HDAC8: variants seen among roughly 807,000 people sequenced by gnomAD.
HDAC8 encodes the protein histone deacetylase 8, also known as histone deacetylase-like 1.
In HDAC8, 1 loss-of-function variant was observed where a neutral mutation model predicts 32.2. The ratio of observed to expected loss-of-function variants is 0.03; its 90% CI spans 0.01 to 0.15. The LOEUF (loss-of-function observed/expected upper bound fraction) is 0.15, where lower values mean the gene tolerates loss of function less well. Ranked by LOEUF, HDAC8 falls within the 10% of genes least tolerant of loss-of-function variation. The probability of loss-of-function intolerance (pLI) is 1.00; values close to 1 mark genes in which losing one functional copy is unlikely to be tolerated. For missense variants in HDAC8, 117 were observed against 300.0 expected (o/e 0.39, Z 4.51); for synonymous variants, 108 against 113.9 (o/e 0.95, Z 0.33).
In HDAC8 at chrX:72,441,781, C is replaced by G. The variant is rs782084553; in HGVS notation, c.1005+20223G>C. Among the ~76,000 whole-genome samples, 3 of 111,521 alleles carry G rather than the reference C, an allele frequency of 2.7e-5. No homozygotes were observed. The Admixed American group carries it at 2.9e-4, about 11-fold the overall frequency. On this transcript the variant is annotated intron_variant, in intron 9 of 10. Transcript: ENST00000373573. ...AAACCAAAGGCAAAGAAGTTAAAAA[C>G]TTTGAAAAAAATTTAGACGAATGTA...
intron 10 of HDAC8, among the ~76,000 whole-genome samples, chrX:72,338,227 A>C (rs2043770327): frequency 8.9e-6 from 1 of 111,769 alleles, no homozygotes; most frequent in Admixed American, 9.6e-5. Flanking sequence ...CTCTACTGTT[A>C]GCACCCTCAG....
At chrX:72,549,279 C>T (rs781986987) in intron 4 of HDAC8, among the ~76,000 whole-genome samples, 1 of 109,726 alleles carries the variant, frequency 9.1e-6, no homozygotes, top group African/African-American at 3.3e-5. Flanking sequence ...CACTGGAGTC[C>T]CATAAGTCTC....
chrX:72,555,295 T>A (rs1216778593), intron 4 of HDAC8, among the ~76,000 whole-genome samples: 2 of 111,582 alleles, frequency 1.8e-5, no homozygotes, highest in African/African-American at 3.3e-5. Context: ...TCTACCCAAA[T>A]GAGAAGGAAC....
At chrX:72,552,629 A>T (rs1325407558) in intron 4 of HDAC8, among the ~76,000 whole-genome samples, 6 of 108,389 alleles carry the variant, frequency 5.5e-5, no homozygotes, top group Non-Finnish European at 1.1e-4. Flanking sequence ...AAAAAAAAAA[A>T]TTTAGCTAGG....
At chrX:72,523,429 C>G (rs2050040223) in intron 4 of HDAC8, among the ~76,000 whole-genome samples, 1 of 111,651 alleles carries the variant, frequency 9.0e-6, no homozygotes, top group Non-Finnish European at 1.9e-5. Flanking sequence ...GCCCATTTTT[C>G]TAGTGTAGAA....
intron 10 of HDAC8, among the ~76,000 whole-genome samples, chrX:72,340,053 G>A (rs1555944467): frequency 8.9e-6 from 1 of 112,279 alleles, no homozygotes; most frequent in East Asian, 2.8e-4. Context: ...ATATTACCCT[G>A]ATGGTTAGGG....
intron 10 of HDAC8, among the ~76,000 whole-genome samples, chrX:72,338,784 C>A (rs1245686360): frequency 3.8e-5 from 4 of 103,954 alleles, no homozygotes; most frequent in African/African-American, 1.4e-4. Flanking sequence ...CCCAGTGGCT[C>A]ACGCCTGTAA....
At chrX:72,559,554 C>T (rs1244975035) in intron 4 of HDAC8, among the ~76,000 whole-genome samples, 3 of 109,494 alleles carry the variant, frequency 2.7e-5, no homozygotes, top group Non-Finnish European at 5.7e-5. Context: ...TGAGGAGCCC[C>T]TCTGCCCCGC....
At chrX:72,541,435 T>C (rs782790624) in intron 4 of HDAC8, among the ~76,000 whole-genome samples, 1 of 112,432 alleles carries the variant, frequency 8.9e-6, no homozygotes, top group Non-Finnish European at 1.9e-5. Flanking sequence ...GTGCAGGGCC[T>C]TGTAGGCCAT....
chrX:72,341,603 T>C (rs1280472770), intron 10 of HDAC8, among the ~76,000 whole-genome samples: 3 of 111,765 alleles, frequency 2.7e-5, no homozygotes, highest in Non-Finnish European at 5.6e-5. Flanking sequence ...GAACAGAACA[T>C]CACCACCTCC....
intron 4 of HDAC8, among the ~76,000 whole-genome samples, chrX:72,531,902 G>A (rs1205313115): frequency 3.6e-5 from 4 of 111,244 alleles, no homozygotes; most frequent in African/African-American, 6.5e-5. Context: ...TCCACCTTTC[G>A]GCTATAGTGA....
At chrX:72,570,871 C>G (rs2052005239) in intron 2 of HDAC8, among the ~76,000 whole-genome samples, 3 of 111,967 alleles carry the variant, frequency 2.7e-5, no homozygotes, top group Admixed American at 9.4e-5. Context: ...TTGGAAGAAA[C>G]AGTTAGCTCT....
At chrX:72,354,424 C>A (rs782272309) in intron 9 of HDAC8, among the ~76,000 whole-genome samples, 35 of 112,811 alleles carry the variant, frequency 3.1e-4, no homozygotes, top group African/African-American at 1.1e-3. Context: ...GCATACCCTG[C>A]AGTGTCCAAC....
chrX:72,532,776 C>T (rs1556036867), intron 4 of HDAC8, among the ~76,000 whole-genome samples: 1 of 111,245 alleles, frequency 9.0e-6, no homozygotes. Flanking sequence ...GGATAAAAGA[C>T]CCTTCTTAGA....
At chrX:72,424,676 T>A (rs1419556195) in intron 9 of HDAC8, among the ~76,000 whole-genome samples, 1 of 111,574 alleles carries the variant, frequency 9.0e-6, no homozygotes, top group Admixed American at 9.5e-5. Flanking sequence ...TTTCATGATC[T>A]CAAACAGAAA....
chrX:72,437,875 G>T (rs1307299103), intron 9 of HDAC8, among the ~76,000 whole-genome samples: 2 of 112,225 alleles, frequency 1.8e-5, no homozygotes, highest in African/African-American at 6.5e-5. Context: ...CCATCTCCAT[G>T]GGACAGAGCA....
chrX:72,343,768 G>A (rs1252742388), intron 10 of HDAC8, among the ~76,000 whole-genome samples: 2 of 112,183 alleles, frequency 1.8e-5, no homozygotes, highest in African/African-American at 6.5e-5. Context: ...AGCTTCCTAA[G>A]TATTTGGAAC....
chrX:72,545,537 C>G (rs918234484), intron 4 of HDAC8, among the ~76,000 whole-genome samples: 6 of 111,825 alleles, frequency 5.4e-5, no homozygotes, highest in African/African-American at 2.0e-4. Context: ...CTGTGCCACA[C>G]TTCACCTGTG....
chrX:72,367,026 T>C (rs2044721176), intron 9 of HDAC8, among the ~76,000 whole-genome samples: 1 of 112,342 alleles, frequency 8.9e-6, no homozygotes, highest in South Asian at 3.7e-4. Flanking sequence ...AATAGATTTA[T>C]GTAGGTTGAA....
Sources: gnomAD v4.1 joint callset for allele counts (sites outside exome capture counted in the v4.1 genomes callset) on GRCh38, gnomAD v4.1.1 for gene constraint, MANE v1.5 for transcripts, NCBI Gene and HGNC (gene_info 2026-07-23, HGNC 2026-07-21) for gene names.